The following VOPP1 variants were observed in gnomAD, a reference collection of about 807,000 sequenced individuals.
VOPP1 encodes the protein WW domain binding protein VOPP1.
VOPP1 carries 8 observed loss-of-function variants against 23.5 expected under a neutral mutation model. That is an observed-to-expected ratio of 0.34 (90% CI 0.20 to 0.61). The LOEUF (loss-of-function observed/expected upper bound fraction) is 0.61, where lower values mean the gene tolerates loss of function less well. VOPP1 is among the 20% of genes least tolerant of loss of function. The pLI, the probability that VOPP1 is intolerant of heterozygous loss-of-function variation, is 0.78. For missense variants in VOPP1, 174 were observed against 238.1 expected, an observed-to-expected ratio of 0.73 and a Z score of 1.77; for synonymous variants, 83 against 97.3, an observed-to-expected ratio of 0.85 and a Z score of 0.86.
intron 1 of VOPP1, chr7:55,538,809 A>G (rs1400949638): frequency 1.2e-5 from 6 of 505,846 alleles, no homozygotes; most frequent in Non-Finnish European, 2.1e-5. Context: ...TCCAAGCAAC[A>G]TTTCTTAAAA....
intron 4 of VOPP1, among the ~76,000 whole-genome samples, chr7:55,449,178 C>A (rs1791177536): frequency 6.6e-6 from 1 of 152,198 alleles, no homozygotes; most frequent in Non-Finnish European, 1.5e-5. Context: ...TGGCAGGTGT[C>A]CGCTCCCGGA....
At chr7:55,559,944 G>A (rs1400557523) in intron 1 of VOPP1, among the ~76,000 whole-genome samples, 1 of 152,240 alleles carries the variant, frequency 6.6e-6, no homozygotes, top group African/African-American at 2.4e-5. Context: ...CCTGAGGTCA[G>A]GAGTTCCAGA....
intron 4 of VOPP1, among the ~76,000 whole-genome samples, chr7:55,460,083 T>TTGC (rs1368919741): frequency 0.012 from 355 of 30,624 alleles, 1 homozygote; most frequent in Non-Finnish European, 0.018. Flanking sequence ...ATATTAAATA[T>TTGC]TTAAAAACAT....
intron 4 of VOPP1, among the ~76,000 whole-genome samples, chr7:55,485,735 C>T (rs112242035): frequency 1.3e-3 from 194 of 152,308 alleles, no homozygotes; most frequent in African/African-American, 4.3e-3. Flanking sequence ...TAGTGACAGA[C>T]GGCAGGTTGG....
chr7:55,552,267 CAGAA>C (rs1292360184), intron 1 of VOPP1, among the ~76,000 whole-genome samples: 2 of 152,146 alleles, frequency 1.3e-5, no homozygotes, highest in Non-Finnish European at 2.9e-5. Flanking sequence ...ATAGCAATGA[CAGAA>C]AGAAGGTAAT....
intron 1 of VOPP1, among the ~76,000 whole-genome samples, chr7:55,545,518 G>T (rs1439292107): frequency 6.6e-6 from 1 of 152,208 alleles, no homozygotes; most frequent in Non-Finnish European, 1.5e-5. Flanking sequence ...TCCTCTTTCT[G>T]GCCCAGTATG....
intron 1 of VOPP1, among the ~76,000 whole-genome samples, chr7:55,540,038 G>GAAATGATGGTAT (rs1797048254): frequency 6.6e-6 from 1 of 151,834 alleles, no homozygotes; most frequent in Admixed American, 6.6e-5. Context: ...TTTTCTCACG[G>GAAATGATGGTAT]AAATGATGGT....
At chr7:55,565,932 T>C (rs759349182) in intron 1 of VOPP1, among the ~76,000 whole-genome samples, 1 of 152,140 alleles carries the variant, frequency 6.6e-6, no homozygotes, top group Non-Finnish European at 1.5e-5. Flanking sequence ...CAAGAAACAC[T>C]GGATTCACCC....
chr7:55,486,094 C>A (rs542801392), intron 4 of VOPP1, among the ~76,000 whole-genome samples: 2 of 152,320 alleles, frequency 1.3e-5, no homozygotes, highest in East Asian at 1.9e-4. Flanking sequence ...CCAGAGGCTC[C>A]GGCTCCACCT....
chr7:55,438,895 C>T (rs746312253), intron 4 of VOPP1, among the ~76,000 whole-genome samples: 1 of 152,140 alleles, frequency 6.6e-6, no homozygotes, highest in Non-Finnish European at 1.5e-5. Context: ...GAGCTGGAGC[C>T]AGCAGGACTT....
chr7:55,559,109 AGGGAGCC>A, intron 1 of VOPP1, among the ~76,000 whole-genome samples: 1 of 152,158 alleles, frequency 6.6e-6, no homozygotes, highest in South Asian at 2.1e-4. Context: ...TCATCATCAG[AGGGAGCC>A]TCTGATGGCT....
At chr7:55,442,094 C>CA (rs1790978532) in intron 4 of VOPP1, among the ~76,000 whole-genome samples, 1 of 152,182 alleles carries the variant, frequency 6.6e-6, no homozygotes, top group Admixed American at 6.5e-5. Context: ...TGATAAGCAT[C>CA]ATTGCATTCA....
rs145090043 is a variant in VOPP1, at chr7:55,519,015, G to A, written c.113+2057C>T. Among the ~76,000 whole-genome samples, 514 of 152,264 alleles carry A rather than the reference G, an allele frequency of 3.4e-3. 2 individuals are homozygous for A. Among genetic ancestry groups the A allele is most frequent in the Middle Eastern group, 0.024 (7 of 294 alleles). On this transcript the variant is annotated intron_variant, in intron 2 of 4. Transcript: ENST00000285279. ...AGAGGCAGAACAGAGAAGACTAGTG[G>A]GTGGGGCTGGGGTTTCCTGGCATCA...
At chr7:55,495,213 G>C (rs539017174) in intron 3 of VOPP1, among the ~76,000 whole-genome samples, 1 of 152,228 alleles carries the variant, frequency 6.6e-6, no homozygotes, top group East Asian at 1.9e-4. Flanking sequence ...GGCCCACTGT[G>C]CTTTCTGAGT....
downstream of VOPP1, among the ~76,000 whole-genome samples, chr7:55,435,030 G>A (rs780842847): frequency 6.6e-6 from 1 of 152,182 alleles, no homozygotes; most frequent in Non-Finnish European, 1.5e-5. Flanking sequence ...TAAAGTCCAG[G>A]TTCCCTAAGA....
At chr7:55,552,535 C>A in intron 1 of VOPP1, 4 of 1,497,812 alleles carry the variant, frequency 2.7e-6, no homozygotes, top group Non-Finnish European at 3.6e-6. Flanking sequence ...TGCCCAGCAA[C>A]ACAAGCATGA....
chr7:55,438,330 A>G (rs1318023343), intron 4 of VOPP1, among the ~76,000 whole-genome samples: 1 of 151,646 alleles, frequency 6.6e-6, no homozygotes, highest in Non-Finnish European at 1.5e-5. Context: ...ATCAGTGAAG[A>G]AAACAGGCGA....
At chr7:55,454,324 G>A (rs815940) in intron 4 of VOPP1, among the ~76,000 whole-genome samples, 136,187 of 152,210 alleles carry the variant, frequency 0.89, 61,105 homozygotes, top group African/African-American at 0.93. Flanking sequence ...ACCAACCAAT[G>A]AAAGTCCAGG....
chr7:55,568,081 CTTTTTT>C (rs60284804), intron 1 of VOPP1, among the ~76,000 whole-genome samples: 1 of 124,042 alleles, frequency 8.1e-6, no homozygotes, highest in African/African-American at 3.1e-5. Flanking sequence ...ACAACTATTC[CTTTTTT>C]TTTTTTTTTT....
Sources: allele counts gnomAD v4.1 joint callset (sites outside exome capture counted in the v4.1 genomes callset), GRCh38; gene constraint gnomAD v4.1.1; transcripts MANE v1.5; gene names NCBI Gene and HGNC (gene_info 2026-07-23, HGNC 2026-07-21).